OSBPL8: variants seen among roughly 807,000 people sequenced by gnomAD.
The protein encoded by OSBPL8 is oxysterol-binding protein-related protein 8.
A neutral mutation model predicts 125.5 loss-of-function variants in OSBPL8; 59 were observed. That is an observed-to-expected ratio of 0.47 (90% confidence interval 0.38 to 0.58). The LOEUF is 0.58. Among genes scored for constraint, OSBPL8 ranks in the 20% least tolerant of loss-of-function variants. OSBPL8 has a pLI of 0.00. For synonymous variants in OSBPL8, 330 were observed against 338.9 expected, an observed-to-expected ratio of 0.97 and a Z score of 0.29; for missense variants, 758 against 1,047.8, an observed-to-expected ratio of 0.72 and a Z score of 3.82.
intron 10 of OSBPL8, 123 bp downstream of exon 10, chr12:76,392,458 T>C: frequency 1.2e-6 from 1 of 815,008 alleles, no homozygotes; most frequent in Non-Finnish European, 1.8e-6. Flanking sequence ...TCCTAGGCCA[T>C]ATAATGGGAA....
rs79516520 is a variant in OSBPL8, at chr12:76,536,411, A to T, written c.-68+22986T>A. Among the ~76,000 whole-genome samples the T allele has an allele frequency of 6.2e-3, 947 of 152,282 alleles. 6 individuals are homozygous for T. The highest frequency in any genetic ancestry group is 0.037 in the Middle Eastern group (11 of 294). ...AACTAAAACCAAGAGTGTAACTGAGATAATTAATTTTGTCTGTAAAAATGG... is the reference window on the plus strand; with the variant it reads ...AACTAAAACCAAGAGTGTAACTGAGTTAATTAATTTTGTCTGTAAAAATGG... On this transcript the variant is annotated intron_variant, in intron 1 of 23. Transcript: ENST00000261183.
At chr12:76,550,112 T>C (rs1426653554) in intron 1 of OSBPL8, among the ~76,000 whole-genome samples, 3 of 138,408 alleles carry the variant, frequency 2.2e-5, no homozygotes, top group African/African-American at 8.2e-5. Flanking sequence ...GGCTGGGGTG[T>C]AGGGGAGGCT....
chr12:76,534,838 A>G (rs1950446654), intron 1 of OSBPL8, among the ~76,000 whole-genome samples: 2 of 152,194 alleles, frequency 1.3e-5, no homozygotes, highest in South Asian at 4.1e-4. Flanking sequence ...AGGAGTCTAG[A>G]AATGGACCCA....
chr12:76,449,801 T>C (rs1161330644), intron 4 of OSBPL8, among the ~76,000 whole-genome samples: 1 of 152,142 alleles, frequency 6.6e-6, no homozygotes, highest in Non-Finnish European at 1.5e-5. Flanking sequence ...TACAAAATCA[T>C]GCATGAGTAA....
intron 4 of OSBPL8, among the ~76,000 whole-genome samples, chr12:76,445,746 A>C (rs186421143): frequency 2.7e-4 from 41 of 152,306 alleles, no homozygotes; most frequent in Admixed American, 3.9e-4. Flanking sequence ...ACACTGCCTA[A>C]GAGGAATGTA....
chr12:76,534,134 CAG>C (rs1950425978), intron 1 of OSBPL8: 2 of 152,082 alleles, frequency 1.3e-5, no homozygotes, highest in South Asian at 4.1e-4. Context: ...TATATGTAGT[CAG>C]AAACAAAATT....
At chr12:76,385,853 T>C (rs1953286694) in intron 14 of OSBPL8, among the ~76,000 whole-genome samples, 1 of 151,738 alleles carries the variant, frequency 6.6e-6, no homozygotes, top group Admixed American at 6.6e-5. Context: ...CACTGAATAA[T>C]TTTGAGCATG....
chr12:76,431,331 A>T (rs1377558197), intron 4 of OSBPL8, among the ~76,000 whole-genome samples: 1 of 151,976 alleles, frequency 6.6e-6, no homozygotes, highest in Non-Finnish European at 1.5e-5. Context: ...AAAACCCACA[A>T]AGAAAGAAAA....
intron 21 of OSBPL8, among the ~76,000 whole-genome samples, chr12:76,359,935 A>G (rs1258419230): frequency 6.6e-6 from 1 of 152,178 alleles, no homozygotes; most frequent in Non-Finnish European, 1.5e-5. Context: ...TGGGAGTACA[A>G]TTCAAGATGA....
chr12:76,371,467 C>G lies in OSBPL8; in HGVS notation c.2035G>C (p.Gly679Arg), dbSNP rs1164953663. ...ACTTACTTCTCTGATTCAAAATCTC[C>G]CTGTTCTTCAAATTTTACAGTGTGC... ...IRHTVKFEEQ[G>R]DFESEKLWQR... The change falls in exon 19 of 24, where the codon GGA becomes CGA. Residue 679 changes from glycine to arginine, a missense_variant. Coordinates refer to ENST00000261183, the MANE Select transcript of OSBPL8 (RefSeq NM_020841.5). 1.2e-6 allele frequency: 2 copies of G among 1,605,022 alleles called. No homozygotes were observed. Among genetic ancestry groups the G allele is most frequent in the Admixed American group, 1.7e-5 (1 of 59,232 alleles).
At chr12:76,537,795 G>A (rs1305832721) in intron 1 of OSBPL8, among the ~76,000 whole-genome samples, 1 of 152,082 alleles carries the variant, frequency 6.6e-6, no homozygotes, top group African/African-American at 2.4e-5. Context: ...TGTAATCCCA[G>A]CTACTCAGGA....
At chr12:76,437,638 TTTGCTTTCCCTAA>T (rs1871628524) in intron 4 of OSBPL8, among the ~76,000 whole-genome samples, 2 of 152,206 alleles carry the variant, frequency 1.3e-5, no homozygotes, top group South Asian at 4.1e-4. Flanking sequence ...TTCTTTGCTC[TTTGCTTTCCCTAA>T]AGAGTTAAGA....
At chr12:76,356,801 T>C (rs1447005415) in intron 22 of OSBPL8, 73 bp from the exon 23 acceptor site, 4 of 1,045,142 alleles carry the variant, frequency 3.8e-6, no homozygotes, top group Non-Finnish European at 5.6e-6. Context: ...TCTCATGTAA[T>C]AAAAATTTTC....
intron 1 of OSBPL8, among the ~76,000 whole-genome samples, chr12:76,517,446 T>C (rs59741266): frequency 0.033 from 4,989 of 152,270 alleles, 251 homozygotes; most frequent in African/African-American, 0.11. Flanking sequence ...TAAATGTTTA[T>C]TAATGTATTC....
intron 15 of OSBPL8, among the ~76,000 whole-genome samples, chr12:76,379,347 T>C (rs4761332): frequency 0.78 from 119,186 of 152,082 alleles, 46,908 homozygotes; most frequent in East Asian, 0.92. Context: ...AGTTTTCTCC[T>C]GTATGCATTT....
chr12:76,440,650 C>T (rs1872079456), intron 4 of OSBPL8, among the ~76,000 whole-genome samples: 1 of 152,118 alleles, frequency 6.6e-6, no homozygotes, highest in South Asian at 2.1e-4. Context: ...ATCATTTCAC[C>T]TAGAATCAAG....
chr12:76,436,889 T>C (rs1280670237), intron 4 of OSBPL8, among the ~76,000 whole-genome samples: 1 of 152,244 alleles, frequency 6.6e-6, no homozygotes, highest in African/African-American at 2.4e-5. Context: ...TTATCACATA[T>C]CTATCCCTAT....
At chr12:76,375,558 C>T (rs1952786477) in intron 16 of OSBPL8, among the ~76,000 whole-genome samples, 188 bp from the exon 17 acceptor site, 1 of 152,062 alleles carries the variant, frequency 6.6e-6, no homozygotes, top group African/African-American at 2.4e-5. Flanking sequence ...ACACCTGATT[C>T]ACATTATGTG....
chr12:76,409,914 G>C (rs959045099), intron 5 of OSBPL8, among the ~76,000 whole-genome samples: 6 of 152,014 alleles, frequency 3.9e-5, no homozygotes, highest in African/African-American at 1.5e-4. Flanking sequence ...AAGCTCCCCT[G>C]CTACTATATC....
Sources: allele counts gnomAD v4.1 joint callset (sites outside exome capture counted in the v4.1 genomes callset), GRCh38; gene constraint gnomAD v4.1.1; transcripts MANE v1.5; gene names NCBI Gene and HGNC (gene_info 2026-07-23, HGNC 2026-07-21).